Variants in GLYATL1 observed in about 807,000 individuals in gnomAD.
GLYATL1 encodes the protein glycine N-acyltransferase-like protein 1.
In GLYATL1, 15 loss-of-function variants were observed where a neutral mutation model predicts 20.0. That is an observed-to-expected ratio of 0.75 (90% CI 0.50 to 1.15). The LOEUF (loss-of-function observed/expected upper bound fraction) is 1.15, where lower values mean the gene tolerates loss of function less well. Among genes scored for constraint, GLYATL1 ranks in the 50% most tolerant of loss-of-function variants. The pLI is 0.00. For missense variants in GLYATL1, 380 were observed against 368.5 expected, an observed-to-expected ratio of 1.03 and a Z score of -0.26; for synonymous variants, 151 against 131.5, an observed-to-expected ratio of 1.15 and a Z score of -1.01.
intron 1 of GLYATL1, among the ~76,000 whole-genome samples, chr11:58,906,488 G>T (rs1166302830): frequency 6.6e-6 from 1 of 152,068 alleles, no homozygotes; most frequent in Non-Finnish European, 1.5e-5. Flanking sequence ...TAGTGAGGGG[G>T]TGCTTTTTAA....
exon 2 of GLYATL1, chr11:58,907,479 G>GT (rs35731745): frequency 0.85 from 331,148 of 389,582 alleles, 137,570 homozygotes; most frequent in Middle Eastern, 0.9. Flanking sequence ...GCTCTTTTTT[G>GT]TTTGTTTTGT....
upstream of GLYATL1, among the ~76,000 whole-genome samples, chr11:58,924,616 T>A (rs4547111): frequency 0.16 from 23,633 of 152,220 alleles, 1,995 homozygotes; most frequent in East Asian, 0.31. Context: ...AGATTGCAGA[T>A]ATGTACAGCC....
intron 1 of GLYATL1, among the ~76,000 whole-genome samples, chr11:58,915,865 G>A (rs1855158835): frequency 6.6e-6 from 1 of 152,174 alleles, no homozygotes; most frequent in Admixed American, 6.5e-5. Context: ...GAACATCTCA[G>A]TGGGAGATGC....
chr11:58,955,235 G>A lies in GLYATL1; in HGVS notation c.373G>A (p.Val125Ile). 1.2e-6 allele frequency: 2 copies of A among 1,614,148 alleles called. No homozygotes were observed. Among genetic ancestry groups the A allele is most frequent in the South Asian group, 2.2e-5 (2 of 91,078 alleles). The change falls in exon 6 of 7, where the codon GTA (valine) becomes ATA (isoleucine). Residue 125 changes from valine (V) to isoleucine (I), a missense_variant. Coordinates refer to ENST00000532726, the MANE Select transcript of GLYATL1 (RefSeq NM_001389712.2). Reference sequence around the variant, plus strand: ...GGCTACATTTTCAAAGTCAGTGAAAGTAGAGCATTCGAGAGCACTCCTCTT... The same window carrying A: ...GGCTACATTTTCAAAGTCAGTGAAAATAGAGCATTCGAGAGCACTCCTCTT... Reference protein sequence around the residue: ...RVATFSKSVKVEHSRALLLVT... With the variant: ...RVATFSKSVKIEHSRALLLVT...
upstream of GLYATL1, among the ~76,000 whole-genome samples, chr11:58,927,462 G>A (rs58772644): frequency 0.041 from 6,262 of 152,284 alleles, 406 homozygotes; most frequent in African/African-American, 0.14. Context: ...CTTTTTGCCT[G>A]TGCTGGCTCC....
rs75421831 is a variant in GLYATL1 at position 58,929,760 on chromosome 11, C to G, written c.-212+1931C>G. Among the ~76,000 whole-genome samples the G allele has an allele frequency of 5.0e-3, 755 of 152,284 alleles. 8 individuals are homozygous for G. The highest frequency in any genetic ancestry group is 0.022 in the Admixed American group (339 of 15,292). On this transcript the variant is annotated intron_variant, in intron 1 of 7. Coordinates refer to the GLYATL1 transcript ENST00000317391. ...TACTCATCTAAAGACTCATGGGGACCCTCTCTGTACAGTCCTCTCCTGCCC... is the reference window on the plus strand; with the variant it reads ...TACTCATCTAAAGACTCATGGGGACGCTCTCTGTACAGTCCTCTCCTGCCC...
chr11:58,931,180 C>G (rs925421169), intron 1 of GLYATL1, among the ~76,000 whole-genome samples: 1 of 152,164 alleles, frequency 6.6e-6, no homozygotes, highest in African/African-American at 2.4e-5. Context: ...CCAGGACTCT[C>G]TCCTTGATTT....
intron 1 of GLYATL1, among the ~76,000 whole-genome samples, chr11:58,921,568 G>T (rs1855309538): frequency 6.6e-6 from 1 of 152,172 alleles, no homozygotes; most frequent in Non-Finnish European, 1.5e-5. Flanking sequence ...CATCCTTCCA[G>T]TGTCTTTTCC....
At chr11:58,924,204 T>C (rs1855371876), upstream of GLYATL1, among the ~76,000 whole-genome samples, 1 of 152,216 alleles carries the variant, frequency 6.6e-6, no homozygotes, top group African/African-American at 2.4e-5. Context: ...AACACACTTA[T>C]GGATAATTAA....
At chr11:58,928,082 G>C (rs1396584449) in intron 1 of GLYATL1, among the ~76,000 whole-genome samples, 1 of 152,138 alleles carries the variant, frequency 6.6e-6, no homozygotes, top group African/African-American at 2.4e-5. Context: ...TCCTTCTTCT[G>C]GGAACCATGG....
chr11:58,939,201 A>G (rs1241156843), upstream of GLYATL1, among the ~76,000 whole-genome samples: 1 of 152,210 alleles, frequency 6.6e-6, no homozygotes, highest in East Asian at 1.9e-4. Context: ...ACAATGGGAC[A>G]CCAGACCCCT....
downstream of GLYATL1, among the ~76,000 whole-genome samples, chr11:58,911,078 T>TTA (rs1248026869): frequency 1.3e-5 from 2 of 152,208 alleles, no homozygotes; most frequent in African/African-American, 4.8e-5. Flanking sequence ...ATAGACTGAA[T>TTA]TATACCCTTT....
intron 1 of GLYATL1, chr11:58,905,758 G>GGGGGGGCC: frequency 1.5e-4 from 4 of 27,562 alleles, no homozygotes; most frequent in South Asian, 2.1e-3. Flanking sequence ...GGGCGGGTGG[G>GGGGGGGCC]CGCGCAGTCC....
exon 2 of GLYATL1, chr11:58,908,430 AC>A (rs1854961927): frequency 6.0e-6 from 1 of 167,898 alleles, no homozygotes; most frequent in African/African-American, 2.4e-5. Flanking sequence ...CATTTTTTCC[AC>A]TAGTAGAAGT....
At chr11:58,919,457 A>G (rs1438155412) in intron 1 of GLYATL1, among the ~76,000 whole-genome samples, 8 of 152,068 alleles carry the variant, frequency 5.3e-5, no homozygotes, top group Non-Finnish European at 8.8e-5. Flanking sequence ...TGTAACTTCC[A>G]TTTTATTTTT....
intron 1 of GLYATL1, among the ~76,000 whole-genome samples, chr11:58,940,293 A>C (rs1748773237): frequency 6.6e-6 from 1 of 152,212 alleles, no homozygotes; most frequent in Admixed American, 6.5e-5. Flanking sequence ...TTTACTGAAA[A>C]TTTTGGTTCA....
At chr11:58,907,477 T>C in exon 2 of GLYATL1, 1 of 201,224 alleles carries the variant, frequency 5.0e-6, no homozygotes, top group Non-Finnish European at 9.4e-6. Flanking sequence ...TCGCTCTTTT[T>C]TGTTTGTTTT....
downstream of GLYATL1, among the ~76,000 whole-genome samples, chr11:58,911,830 T>C (rs1855051899): frequency 6.6e-6 from 1 of 152,366 alleles, no homozygotes; most frequent in East Asian, 1.9e-4. Flanking sequence ...TGATGAAGTT[T>C]ACTTTATATG....
At chr11:58,947,810 A>G (rs1856683388) in intron 3 of GLYATL1, 48 bp from the exon 4 acceptor site, 1 of 1,263,158 alleles carries the variant, frequency 7.9e-7, no homozygotes, top group Non-Finnish European at 1.2e-6. Context: ...CCAGATCCTC[A>G]TCTCTGGGGA....
Sources: gnomAD v4.1 joint callset for allele counts (sites outside exome capture counted in the v4.1 genomes callset) on GRCh38, gnomAD v4.1.1 for gene constraint, MANE v1.5 for transcripts, NCBI Gene and HGNC (gene_info 2026-07-23, HGNC 2026-07-21) for gene names.